The following CXXC1 variants were observed in gnomAD, a reference collection of about 807,000 sequenced individuals.
The protein encoded by CXXC1 is CXXC finger protein 1.
A neutral mutation model predicts 83.6 loss-of-function variants in CXXC1; 21 were observed. That is an observed-to-expected ratio of 0.25 (90% CI 0.18 to 0.36). CXXC1 has a LOEUF of 0.36. CXXC1 is among the 10% of genes least tolerant of loss of function. The probability of loss-of-function intolerance (pLI) is 1.00; values close to 1 mark genes in which losing one functional copy is unlikely to be tolerated. For missense variants in CXXC1, 688 were observed against 919.5 expected, an observed-to-expected ratio of 0.75 and a Z score of 3.26; for synonymous variants, 371 against 337.5, an observed-to-expected ratio of 1.10 and a Z score of -1.09.
chr18:50,287,261 G>A (rs2040729384), intron 1 of CXXC1: 1 of 507,922 alleles, frequency 2.0e-6, no homozygotes, highest in South Asian at 2.6e-5. Context: ...ACGGATACCC[G>A]GACACGGACT....
chr18:50,285,608 G>A lies in CXXC1; in HGVS notation c.639+141C>T, dbSNP rs906763908. 1.7e-6 allele frequency: 2 copies of A among 1,148,956 alleles called. No individual in the cohort carries two copies. Among genetic ancestry groups the A allele is most frequent in the Non-Finnish European group, 2.5e-6 (2 of 805,336 alleles). The allele number at this position is 1,148,956 out of a possible 1,614,324, so 71.2% of individuals were successfully genotyped here. ...TACCAGGTCATGCCCCATTCATCTG[G>A]ACATGACAGGCCCCTTCCCACCTGT... On this transcript the variant is annotated intron_variant, in intron 5 of 14. Transcript: ENST00000285106. This position sits in a 1 kb window ranked among gnomAD's most constrained non-coding sequence, Gnocchi z 4.4.
Position 50,285,263 on chromosome 18 carries a change from T to C in CXXC1, c.667-16A>G. On this transcript the variant is annotated splice_polypyrimidine_tract_variant and intron_variant, in intron 6 of 14. Coordinates refer to ENST00000285106, the MANE Select transcript of CXXC1 (RefSeq NM_014593.4). The surrounding 1 kb of genome is among the most constrained non-coding windows in gnomAD (Gnocchi z 4.4). ...CTGGTGAGAGCTGCAGGGCAGAATCTCAGGACTGGCCCTGACCGCCCTGCC... is the reference window on the plus strand; with the variant it reads ...CTGGTGAGAGCTGCAGGGCAGAATCCCAGGACTGGCCCTGACCGCCCTGCC... 1.2e-6 allele frequency: 2 copies of C among 1,613,928 alleles called. No homozygotes were observed. The highest frequency in any genetic ancestry group is 2.2e-5 in the East Asian group (1 of 44,880).
chr18:50,282,624 G>T lies in CXXC1; in HGVS notation c.1940C>A (p.Thr647Asn). ...LHQTIQHDPL[T>N]TDLRSSADR ...GTCGGCACTGGAGCGCAGGTCGGTA[G>T]TGAGGGGATCGTGCTGGATCGTCTG... is the stretch of plus-strand genomic sequence containing the variant. The change falls in exon 15 of 15, where the codon ACT becomes AAT. Residue 647 changes from threonine to asparagine, a missense_variant. Around this residue, in one of 9 missense-constraint regions of CXXC1, gnomAD observed 34 missense variants for 27.0 expected, o/e 1.26. Coordinates refer to ENST00000285106, the MANE Select transcript of CXXC1 (RefSeq NM_014593.4). The surrounding 1 kb of genome is among the most constrained non-coding windows in gnomAD (Gnocchi z 5.8). 2.5e-6 allele frequency: 4 copies of T among 1,611,794 alleles called. No homozygotes were observed. The highest frequency in any genetic ancestry group is 3.4e-6 in the Non-Finnish European group (4 of 1,180,026).
In CXXC1 at chr18:50,285,444, C is replaced by A. The variant is rs569935145; in HGVS notation, c.640-93G>T. 9.3e-5 allele frequency: 132 copies of A among 1,413,338 alleles called. 2 individuals are homozygous for A. In the South Asian group the frequency reaches 1.6e-3, roughly 17 times the overall value. The allele number at this position is 1,413,338 out of a possible 1,614,324, so 87.5% of individuals were successfully genotyped here. ...CCCACCTGGCCTGGCCTTACCTCCC[C>A]AGACACACCTCCCCGCTACCCCTCA... On this transcript the variant is annotated intron_variant, in intron 5 of 14. Transcript: ENST00000285106. The surrounding 1 kb of genome is among the most constrained non-coding windows in gnomAD (Gnocchi z 4.4).
Position 50,283,505 on chromosome 18 carries a change from C to T in CXXC1, c.1574+10G>A. 1 of 1,613,870 alleles carries T rather than the reference C, an allele frequency of 6.2e-7. No homozygotes were observed. The highest frequency in any genetic ancestry group is 1.1e-5 in the South Asian group (1 of 91,070). The stretch of plus-strand genomic sequence containing the variant: ...CCCCCCACCTCTCACTGCGTGGCAC[C>T]CTCACTTACCCTTCAATGCGTGTGG... On this transcript the variant is annotated intron_variant, in intron 12 of 14. Transcript: ENST00000285106.
chr18:50,284,028 T>C lies in CXXC1; in HGVS notation c.1279A>G (p.Lys427Glu). 6.2e-7 allele frequency: 1 copy of C among 1,612,456 alleles called. No homozygotes were observed. Among genetic ancestry groups the C allele is most frequent in the Non-Finnish European group, 8.5e-7 (1 of 1,180,012 alleles). Residue 427 changes from lysine to glutamate, a missense_variant, in exon 10 of 15, where the codon AAG becomes GAG. Transcript: ENST00000285106. ...CGGCGAATGCGTTCGAGCAGCTTCT[T>C]GCCGTGCTCTTCAGCAATGCAAGGG... The part of the protein sequence containing the change: ...QSPCIAEEHG[K>E]KLLERIRREQ...
rs2276365 is a variant in CXXC1 at position 50,285,299 on chromosome 18, A to T, written c.666+26T>A. Reference sequence around the variant, plus strand: ...CCTGACCGCCCTGCCCGCATGCCCCACCCCACCCTGGGGGGCTGGACTCAC... The same window carrying T: ...CCTGACCGCCCTGCCCGCATGCCCCTCCCCACCCTGGGGGGCTGGACTCAC... On this transcript the variant is annotated intron_variant, in intron 6 of 14. Transcript: ENST00000285106. This position sits in a 1 kb window ranked among gnomAD's most constrained non-coding sequence, Gnocchi z 4.4. The T allele has an allele frequency of 1.4e-5, 23 of 1,609,416 alleles. No individual in the cohort carries two copies. The Middle Eastern group carries it at 6.6e-4, about 47-fold the overall frequency.
chr18:50,283,351 G>A lies in CXXC1; in HGVS notation c.1585C>T (p.Leu529Phe). The A allele has an allele frequency of 6.2e-7, 1 of 1,613,990 alleles. No individual in the cohort carries two copies. Among genetic ancestry groups the A allele is most frequent in the Middle Eastern group, 1.7e-4 (1 of 6,056 alleles). The stretch of plus-strand genomic sequence containing the variant: ...TGAGGATTATACACATCACAGAAGA[G>A]TCGTGTGGCCCTGGGGATTTGGAGT... ...YPTRIEGATRLFCDVYNPQSK... is the reference protein window; with the variant it reads ...YPTRIEGATRFFCDVYNPQSK... The change falls in exon 13 of 15, where the codon CTC becomes TTC. Residue 529 changes from leucine (L) to phenylalanine (F), a missense_variant. Around this residue, in one of 9 missense-constraint regions of CXXC1, gnomAD observed 114 missense variants for 173.3 expected, o/e 0.66. Transcript: ENST00000285106.
chr18:50,286,451 G>T, intron 3 of CXXC1, 88 bp downstream of exon 3: 2 of 1,182,674 alleles, frequency 1.7e-6, no homozygotes, highest in Non-Finnish European at 1.2e-6. Context: ...CCACAGACGT[G>T]TATCACTAAT....
At position 50,284,858 on chromosome 18, in the gene CXXC1, C is replaced by T. The variant is rs1206797156; in HGVS notation, c.913-19G>A. On this transcript the variant is annotated intron_variant, in intron 7 of 14. Transcript: ENST00000285106. The stretch of plus-strand genomic sequence containing the variant: ...TCCAGGGCTGCAAGCAGGGCATGCA[C>T]TGACCCACCTGCCCCGCTCGTGACA... 6.2e-7 allele frequency: 1 copy of T among 1,614,016 alleles called. No homozygotes were observed. The highest frequency in any genetic ancestry group is 1.7e-5 in the Admixed American group (1 of 60,030).
Position 50,284,078 on chromosome 18 carries a change from T to C in CXXC1, c.1229A>G (p.Gln410Arg), listed in dbSNP as rs2040673172. 1.2e-6 allele frequency: 2 copies of C among 1,607,608 alleles called. No homozygotes were observed. The highest frequency in any genetic ancestry group is 1.7e-6 in the Non-Finnish European group (2 of 1,178,520). Residue 410 changes from glutamine to arginine, a missense_variant, in exon 10 of 15, where the codon CAG becomes CGG. By Grantham distance (43) the Gln-to-Arg change is conservative (BLOSUM62 1). Transcript: ENST00000285106. ...AANRIYEILP[Q>R]RIQQWQQSPC... ...GCTCTGCTGCCACTGCTGGATGCGC[T>C]GGGGGAGGATCTCGTAGATGCGGCT...
intron 1 of CXXC1, 74 bp from the exon 2 acceptor site, chr18:50,286,932 C>A (rs968628578): frequency 1.9e-6 from 2 of 1,080,986 alleles, no homozygotes; most frequent in Admixed American, 1.7e-5. Flanking sequence ...ACAACTCCAC[C>A]GTGGTCAGCA....
Position 50,285,397 on chromosome 18 carries a change from G to C in CXXC1, c.640-46C>G. The C allele has an allele frequency of 6.4e-7, 1 of 1,554,978 alleles. No homozygotes were observed. The highest frequency in any genetic ancestry group is 8.7e-7 in the Non-Finnish European group (1 of 1,150,790). Reference sequence around the variant, plus strand: ...CCCAGGTCAGCCCCAGGTGGATGGAGGGCGGCCTTGCCCTAGCCCTACCCA... The same window carrying C: ...CCCAGGTCAGCCCCAGGTGGATGGACGGCGGCCTTGCCCTAGCCCTACCCA... On this transcript the variant is annotated intron_variant, in intron 5 of 14. Coordinates refer to ENST00000285106, the MANE Select transcript of CXXC1 (RefSeq NM_014593.4). This position sits in a 1 kb window ranked among gnomAD's most constrained non-coding sequence, Gnocchi z 4.4.
chr18:50,287,036 C>T (rs559972040), intron 1 of CXXC1, 178 bp from the exon 2 acceptor site: 5 of 607,634 alleles, frequency 8.2e-6, no homozygotes, highest in East Asian at 5.5e-5. Flanking sequence ...CCTCTGACAT[C>T]CTATTACTCT....
In CXXC1 at chr18:50,285,690, C is replaced by A; in HGVS notation, c.639+59G>T. 1 of 1,575,082 alleles carries A rather than the reference C, an allele frequency of 6.3e-7. No homozygotes were observed. Among genetic ancestry groups the A allele is most frequent in the South Asian group, 1.1e-5 (1 of 88,012 alleles). On this transcript the variant is annotated intron_variant, in intron 5 of 14. Transcript: ENST00000285106. The surrounding 1 kb of genome is among the most constrained non-coding windows in gnomAD (Gnocchi z 4.4). ...TTATCCATGCCTAGACTTAACTAAC[C>A]ATGCATGGACCCACCAGCTCTCCCA... is the stretch of plus-strand genomic sequence containing the variant.
At position 50,285,656 on chromosome 18, in the gene CXXC1, C is replaced by T. The variant is rs561843414; in HGVS notation, c.639+93G>A. On this transcript the variant is annotated intron_variant, in intron 5 of 14. Coordinates refer to ENST00000285106, the MANE Select transcript of CXXC1 (RefSeq NM_014593.4). The surrounding 1 kb of genome is among the most constrained non-coding windows in gnomAD (Gnocchi z 4.4). ...TGTCAGGATACAGTCAGGCCCAATC[C>T]CACCTGGTTTATCCATGCCTAGACT... is the stretch of plus-strand genomic sequence containing the variant. 22 of 1,476,012 alleles carry T rather than the reference C, an allele frequency of 1.5e-5. No homozygotes were observed. The Admixed American group carries it at 3.2e-4, about 21-fold the overall frequency. The allele number at this position is 1,476,012 out of a possible 1,614,324, so 91.4% of individuals were successfully genotyped here. A position where few individuals can be genotyped will look rare whatever the true frequency, so the allele number is the denominator to read the frequency against.
chr18:50,287,088 T>C, intron 1 of CXXC1: 2 of 567,604 alleles, frequency 3.5e-6, no homozygotes, highest in Admixed American at 3.0e-5. Flanking sequence ...ACCCGCTCCC[T>C]GCGTCCACAC....
chr18:50,287,091 G>C, intron 1 of CXXC1: 1 of 564,630 alleles, frequency 1.8e-6, no homozygotes, highest in Non-Finnish European at 3.2e-6. Flanking sequence ...CGCTCCCTGC[G>C]TCCACACTCG....
Position 50,282,791 on chromosome 18 carries a change from G to T in CXXC1, c.1825-52C>A. 1 of 1,611,974 alleles carries T rather than the reference G, an allele frequency of 6.2e-7. No individual in the cohort carries two copies. The highest frequency in any genetic ancestry group is 8.5e-7 in the Non-Finnish European group (1 of 1,178,336). ...AGCAGGAACACCTGCAGCCCCGCCT[G>T]CCCCGGCCACGTCCGACATGGAAAC... On this transcript the variant is annotated intron_variant, in intron 14 of 14. Coordinates refer to ENST00000285106, the MANE Select transcript of CXXC1 (RefSeq NM_014593.4). The surrounding 1 kb of genome is among the most constrained non-coding windows in gnomAD (Gnocchi z 5.8).
Sources: gnomAD v4.1 joint callset for allele counts on GRCh38, gnomAD v4.1.1 for gene constraint, gnomAD v4.1.1 regional missense constraint, Gnocchi (gnomAD v3.1) non-coding constraint, MANE v1.5 for transcripts, NCBI Gene and HGNC (gene_info 2026-07-23, HGNC 2026-07-21) for gene names.